The following SKIL variants were observed in gnomAD, a reference collection of about 807,000 sequenced individuals.
The protein encoded by SKIL is ski-like protein.
In SKIL, 20 loss-of-function variants were observed where a neutral mutation model predicts 69.6. The ratio of observed to expected loss-of-function variants is 0.29; its 90% confidence interval spans 0.20 to 0.42. SKIL has a LOEUF of 0.42. SKIL is among the 10% of genes least tolerant of loss of function. The pLI, the probability that SKIL is intolerant of heterozygous loss-of-function variation, is 1.00. For missense variants in SKIL, 745 were observed against 783.1 expected (o/e 0.95, Z 0.58); for synonymous variants, 310 against 279.9 (o/e 1.11, Z -1.08).
chr3:170,372,679 A>C (rs1404554457), intron 2 of SKIL, among the ~76,000 whole-genome samples: 1 of 152,160 alleles, frequency 6.6e-6, no homozygotes, highest in Non-Finnish European at 1.5e-5. Flanking sequence ...ATACTTCTGA[A>C]ATCATTTATT....
rs187515401 is a variant in SKIL, at chr3:170,363,411, C to T, written c.1098+1982C>T. On this transcript the variant is annotated intron_variant, in intron 2 of 6. Coordinates refer to ENST00000259119, the MANE Select transcript of SKIL (RefSeq NM_005414.5). ...TATGGTAGTTTGCTGCTTGCTGCTT[C>T]CAGAAGACCAGCACTTTGAAATTTC... Among the ~76,000 whole-genome samples the T allele has an allele frequency of 6.1e-4, 93 of 152,120 alleles. 3 individuals carry two copies. Among genetic ancestry groups the T allele is most frequent in the Non-Finnish European group, 1.3e-4 (9 of 67,992 alleles).
At position 170,382,308 on chromosome 3, in the gene SKIL, G is replaced by T. The variant is rs1737392541; in HGVS notation, c.1196+967G>T. 2.6e-5 allele frequency among the ~76,000 whole-genome samples: 4 copies of T among 151,678 alleles called. No individual in the cohort carries two copies. In the South Asian group the frequency reaches 8.3e-4, roughly 31 times the overall value. ...GTTTCTATGTGTTTTCTAGAAATAG[G>T]TCATTTTCTTTTTGCCCTCAAGTAA... is the stretch of plus-strand genomic sequence containing the variant. On this transcript the variant is annotated intron_variant, in intron 3 of 6. Transcript: ENST00000259119.
At position 170,365,501 on chromosome 3, in the gene SKIL, G is replaced by T. The variant is rs188970787; in HGVS notation, c.1098+4072G>T. ...ACTGCCATATCGTGCACATATTCCA[G>T]AATCTGAAAAAATCAGAAATTCAAA... On this transcript the variant is annotated intron_variant, in intron 2 of 6. Transcript: ENST00000259119. Among the ~76,000 whole-genome samples, 3 of 152,192 alleles carry T rather than the reference G, an allele frequency of 2.0e-5. No homozygotes were observed. In the East Asian group the frequency reaches 5.8e-4, roughly 29 times the overall value.
intron 2 of SKIL, among the ~76,000 whole-genome samples, chr3:170,367,171 C>T (rs1456264322): frequency 3.3e-5 from 5 of 152,056 alleles, no homozygotes; most frequent in Non-Finnish European, 7.4e-5. Context: ...TGCAGTGGCG[C>T]GATGTCAGCT....
At chr3:170,381,811 G>T (rs1737367241) in intron 3 of SKIL, among the ~76,000 whole-genome samples, 1 of 152,016 alleles carries the variant, frequency 6.6e-6, no homozygotes, top group African/African-American at 2.4e-5. Flanking sequence ...GCTGGGCGCG[G>T]TGGCTCATGC....
chr3:170,361,943 T>A (rs957103971), intron 2 of SKIL, among the ~76,000 whole-genome samples: 13 of 152,164 alleles, frequency 8.5e-5, no homozygotes, highest in Non-Finnish European at 1.6e-4. Context: ...ACTACATCTG[T>A]TGTTTTTCTA....
At chr3:170,380,905 G>A (rs1737309931) in intron 2 of SKIL, among the ~76,000 whole-genome samples, 1 of 151,862 alleles carries the variant, frequency 6.6e-6, no homozygotes, top group South Asian at 2.1e-4. Flanking sequence ...ATGGTTCACT[G>A]CAAGCCTCAA....
chr3:170,386,400 G>T (rs530249267), intron 4 of SKIL, among the ~76,000 whole-genome samples: 32 of 152,298 alleles, frequency 2.1e-4, no homozygotes, highest in African/African-American at 6.5e-4. Context: ...AAAGTGCTGG[G>T]ATTACAGGCG....
In SKIL at chr3:170,367,623, C is replaced by T. The variant is rs572763212; in HGVS notation, c.1098+6194C>T. ...CTGGGATTACAGGTGCCTGCCACCA[C>T]ACCCAGCTAATTTTTTGTATTTTTA... On this transcript the variant is annotated intron_variant, in intron 2 of 6. Coordinates refer to ENST00000259119, the MANE Select transcript of SKIL (RefSeq NM_005414.5). Among the ~76,000 whole-genome samples, 87 of 152,006 alleles carry T rather than the reference C, an allele frequency of 5.7e-4. No individual in the cohort carries two copies. In the South Asian group the frequency reaches 0.015, roughly 26 times the overall value.
intron 2 of SKIL, among the ~76,000 whole-genome samples, chr3:170,370,462 G>T (rs1736755426): frequency 1.1e-5 from 1 of 89,072 alleles, no homozygotes; most frequent in African/African-American, 4.6e-5. Context: ...CCCCGAGCAG[G>T]AGTTCATCTT....
intron 2 of SKIL, among the ~76,000 whole-genome samples, chr3:170,375,916 A>G (rs1034937788): frequency 2.6e-5 from 4 of 152,244 alleles, no homozygotes; most frequent in Admixed American, 2.6e-4. Context: ...TCTGGAAACA[A>G]TTGATTTCTT....
chr3:170,360,727 C>G lies in SKIL; in HGVS notation c.396C>G (p.Gly132=), dbSNP rs747971995. ...TTCCATCACCTCAGGTTCTTCCTGG[C>G]CCATTGCTCATCCCTTCAGATAGCT... The part of the protein sequence containing the change: ...LPLPSPQVLP[G]PLLIPSDSST... Residue 132 remains glycine (G), a synonymous_variant, in exon 2 of 7, where the codon GGC becomes GGG. Transcript: ENST00000259119. 6.2e-7 allele frequency: 1 copy of G among 1,614,162 alleles called. No homozygotes were observed. The highest frequency in any genetic ancestry group is 8.5e-7 in the Non-Finnish European group (1 of 1,180,012).
At position 170,360,943 on chromosome 3, in the gene SKIL, C is replaced by A; in HGVS notation, c.612C>A (p.Ile204=). The part of the protein sequence containing the change: ...CSRCTSDQLH[I]LKVLGILPFN... ...GGTGTACTTCAGACCAGCTTCATAT[C>A]TTAAAGGTACTGGGCATACTTCCAT... is the stretch of plus-strand genomic sequence containing the variant. The change falls in exon 2 of 7, where the codon ATC becomes ATA. Residue 204 remains isoleucine (I), a synonymous_variant. Coordinates refer to ENST00000259119, the MANE Select transcript of SKIL (RefSeq NM_005414.5). 9 of 1,614,196 alleles carry A rather than the reference C, an allele frequency of 5.6e-6. No individual in the cohort carries two copies. The highest frequency in any genetic ancestry group is 7.6e-6 in the Non-Finnish European group (9 of 1,180,038).
At chr3:170,371,602 G>A (rs1343347689) in intron 2 of SKIL, among the ~76,000 whole-genome samples, 1 of 152,168 alleles carries the variant, frequency 6.6e-6, no homozygotes, top group African/African-American at 2.4e-5. Flanking sequence ...TTTTCTAACT[G>A]CAATTTGTCA....
At chr3:170,385,407 G>T (rs1737570232) in intron 4 of SKIL, among the ~76,000 whole-genome samples, 1 of 151,666 alleles carries the variant, frequency 6.6e-6, no homozygotes, top group African/African-American at 2.4e-5. Context: ...TTTTCTTTCT[G>T]ATTTGCCATG....
chr3:170,372,586 A>G (rs6444920), intron 2 of SKIL, among the ~76,000 whole-genome samples: 133,839 of 152,260 alleles, frequency 0.88, 58,823 homozygotes, highest in East Asian at 0.94. Context: ...CATGTTGGAA[A>G]TATTAAGGAA....
intron 4 of SKIL, among the ~76,000 whole-genome samples, chr3:170,387,402 C>T (rs1737691073): frequency 6.6e-6 from 1 of 152,104 alleles, no homozygotes; most frequent in South Asian, 2.1e-4. Context: ...TTTGCTTATT[C>T]TGGACATTTC....
In SKIL at chr3:170,393,346, C is replaced by T. The variant is rs1738020924; in HGVS notation, c.*929C>T. On this transcript the variant is annotated 3_prime_UTR_variant, in exon 7 of 7. Coordinates refer to ENST00000259119, the MANE Select transcript of SKIL (RefSeq NM_005414.5). The stretch of plus-strand genomic sequence containing the variant: ...TTCCTTTAAGTTGTAAAATGTTAAA[C>T]ACCTTGAAGGTTATTTTGGACTTCT... The T allele has an allele frequency of 6.6e-6, 1 of 152,054 alleles. No individual in the cohort carries two copies. The highest frequency in any genetic ancestry group is 2.4e-5 in the African/African-American group (1 of 41,404). The allele number at this position is 152,054 out of a possible 1,614,324, so 9.4% of individuals were successfully genotyped here. A position where few individuals can be genotyped will look rare whatever the true frequency, so the allele number is the denominator to read the frequency against.
chr3:170,358,170 G>T (rs1736032151), intron 1 of SKIL, among the ~76,000 whole-genome samples: 1 of 152,212 alleles, frequency 6.6e-6, no homozygotes, highest in South Asian at 2.1e-4. Context: ...TCCGCGCCCG[G>T]CGCCTAAACT....
Sources: gnomAD v4.1 joint callset for allele counts (sites outside exome capture counted in the v4.1 genomes callset) on GRCh38, gnomAD v4.1.1 for gene constraint, MANE v1.5 for transcripts, NCBI Gene and HGNC (gene_info 2026-07-23, HGNC 2026-07-21) for gene names.